The following CAMKMT variants were observed in gnomAD, a reference collection of about 807,000 sequenced individuals.
CAMKMT encodes the protein calmodulin-lysine N-methyltransferase, also known as CaM KMT.
In CAMKMT, 53 loss-of-function variants were observed where a neutral mutation model predicts 48.0. That is an observed-to-expected ratio of 1.10 (90% CI 0.89 to 1.39). The LOEUF (loss-of-function observed/expected upper bound fraction) is 1.39, where lower values mean the gene tolerates loss of function less well. Ranked by LOEUF, CAMKMT falls within the 40% of genes most tolerant of loss-of-function variation. CAMKMT has a pLI of 0.00. For missense variants in CAMKMT, 428 were observed against 402.7 expected (o/e 1.06, Z -0.54); for synonymous variants, 165 against 152.3 (o/e 1.08, Z -0.61).
At chr2:44,673,721 G>C (rs1295558794) in intron 3 of CAMKMT, among the ~76,000 whole-genome samples, 1 of 152,102 alleles carries the variant, frequency 6.6e-6, no homozygotes, top group Non-Finnish European at 1.5e-5. Flanking sequence ...AGGAAAGGGG[G>C]AAGAAGAAAA....
intron 2 of CAMKMT, among the ~76,000 whole-genome samples, chr2:44,382,528 G>T (rs1680352508): frequency 6.6e-6 from 1 of 151,090 alleles, no homozygotes; most frequent in African/African-American, 2.4e-5. Flanking sequence ...ACCCAGGCTG[G>T]AGTACAGTGG....
chr2:44,442,955 A>G (rs1666761866), intron 3 of CAMKMT, among the ~76,000 whole-genome samples: 1 of 152,208 alleles, frequency 6.6e-6, no homozygotes, highest in Non-Finnish European at 1.5e-5. Flanking sequence ...ATGTACTTGA[A>G]TTCTTCCAAC....
At chr2:44,625,154 G>A (rs1380047188) in intron 3 of CAMKMT, among the ~76,000 whole-genome samples, 1 of 152,114 alleles carries the variant, frequency 6.6e-6, no homozygotes, top group African/African-American at 2.4e-5. Context: ...CCTTACTAAC[G>A]CTTGGTATGA....
At chr2:44,464,347 G>A (rs1668001640) in intron 3 of CAMKMT, among the ~76,000 whole-genome samples, 1 of 152,168 alleles carries the variant, frequency 6.6e-6, no homozygotes, top group Non-Finnish European at 1.5e-5. Flanking sequence ...GACTTATGGT[G>A]TACCATCTGG....
At chr2:44,718,733 C>T (rs748411288) in intron 7 of CAMKMT, among the ~76,000 whole-genome samples, 9 of 152,130 alleles carry the variant, frequency 5.9e-5, no homozygotes, top group Non-Finnish European at 1.0e-4. Context: ...ATTAAATTTA[C>T]CCTGCTGTGA....
intron 3 of CAMKMT, among the ~76,000 whole-genome samples, chr2:44,528,390 C>A (rs527945931): frequency 8.4e-4 from 128 of 152,188 alleles, no homozygotes; most frequent in African/African-American, 2.9e-3. Context: ...TCCCCAGTTA[C>A]CAACACTTGG....
chr2:44,765,943 T>A (rs1680825039), intron 9 of CAMKMT, among the ~76,000 whole-genome samples: 1 of 152,214 alleles, frequency 6.6e-6, no homozygotes, highest in African/African-American at 2.4e-5. Flanking sequence ...TTGTGGTTAC[T>A]TGTCTCTATG....
chr2:44,766,522 T>A lies in CAMKMT; in HGVS notation c.855T>A (p.His285Gln), dbSNP rs771931739. ...AEKAGFCIQR[H>Q]ENYDEHISNF... ...AAGCTGGTTTCTGTATCCAAAGACATGAAAATTATGATGAACACATTTCAA... is the reference window on the plus strand; with the variant it reads ...AAGCTGGTTTCTGTATCCAAAGACAAGAAAATTATGATGAACACATTTCAA... The change falls in exon 10 of 11, where the codon CAT (histidine) becomes CAA (glutamine). Residue 285 changes from histidine to glutamine, a missense_variant. Physicochemically the swap from His to Gln is conservative, Grantham distance 24 (BLOSUM62 0). Transcript: ENST00000378494. The A allele has an allele frequency of 6.2e-7, 1 of 1,614,158 alleles. No homozygotes were observed. The highest frequency in any genetic ancestry group is 1.1e-5 in the South Asian group (1 of 91,084).
At chr2:44,735,642 C>A (rs1679313034) in intron 7 of CAMKMT, among the ~76,000 whole-genome samples, 1 of 151,786 alleles carries the variant, frequency 6.6e-6, no homozygotes, top group Admixed American at 6.6e-5. Context: ...TGGCTCATGC[C>A]TATAATCCCA....
intron 9 of CAMKMT, among the ~76,000 whole-genome samples, chr2:44,755,406 G>C (rs1466631898): frequency 6.6e-6 from 1 of 152,042 alleles, no homozygotes; most frequent in Admixed American, 6.6e-5. Flanking sequence ...ATTCTTGTGG[G>C]CATTTGCAAG....
chr2:44,516,204 G>A (rs1465190195), intron 3 of CAMKMT, among the ~76,000 whole-genome samples: 2 of 152,112 alleles, frequency 1.3e-5, no homozygotes, highest in Non-Finnish European at 2.9e-5. Context: ...CACAGTTCAC[G>A]TTAGACTCAT....
chr2:44,432,240 C>G (rs1684692201), intron 3 of CAMKMT, among the ~76,000 whole-genome samples: 1 of 152,020 alleles, frequency 6.6e-6, no homozygotes, highest in African/African-American at 2.4e-5. Context: ...TAGATAAAAC[C>G]AGATACTCCT....
At chr2:44,743,179 C>T (rs908609137) in intron 7 of CAMKMT, among the ~76,000 whole-genome samples, 1 of 152,150 alleles carries the variant, frequency 6.6e-6, no homozygotes, top group African/African-American at 2.4e-5. Context: ...CCAAATTGCT[C>T]ATTTCATCAA....
chr2:44,710,607 A>G (rs1293587339), intron 6 of CAMKMT, among the ~76,000 whole-genome samples: 1 of 149,882 alleles, frequency 6.7e-6, no homozygotes, highest in South Asian at 2.2e-4. Flanking sequence ...AGTGTGAAAC[A>G]TGTTCCTTTT....
At chr2:44,485,231 C>G (rs1669159276) in intron 3 of CAMKMT, among the ~76,000 whole-genome samples, 1 of 152,080 alleles carries the variant, frequency 6.6e-6, no homozygotes, top group Admixed American at 6.6e-5. Context: ...ATGTGTGCAC[C>G]AAAAGACGTA....
chr2:44,471,342 T>A (rs983928924), intron 3 of CAMKMT, among the ~76,000 whole-genome samples: 1 of 152,082 alleles, frequency 6.6e-6, no homozygotes, highest in African/African-American at 2.4e-5. Flanking sequence ...AACATTTTTT[T>A]ATAAAATTTT....
At chr2:44,442,831 A>T (rs762479162) in intron 3 of CAMKMT, among the ~76,000 whole-genome samples, 1 of 152,282 alleles carries the variant, frequency 6.6e-6, no homozygotes, top group Middle Eastern at 3.4e-3. Flanking sequence ...TGGAGCAGGG[A>T]TTGTTTTCAT....
chr2:44,651,768 A>G (rs1674080633), intron 3 of CAMKMT, among the ~76,000 whole-genome samples: 1 of 152,244 alleles, frequency 6.6e-6, no homozygotes, highest in Non-Finnish European at 1.5e-5. Context: ...TAATTTAAAA[A>G]ATATTTAAAT....
intron 3 of CAMKMT, among the ~76,000 whole-genome samples, chr2:44,490,901 A>T (rs546901563): frequency 6.6e-6 from 1 of 152,230 alleles, no homozygotes; most frequent in African/African-American, 2.4e-5. Flanking sequence ...TGTAATTACA[A>T]CACTTTGGGA....
Sources: allele counts gnomAD v4.1 joint callset (sites outside exome capture counted in the v4.1 genomes callset), GRCh38; gene constraint gnomAD v4.1.1; transcripts MANE v1.5; gene names NCBI Gene and HGNC (gene_info 2026-07-23, HGNC 2026-07-21).